The following FAM78A variants were observed in gnomAD, a reference collection of about 807,000 sequenced individuals.
FAM78A encodes family with sequence similarity 78 member A, also known as protein FAM78A.
In FAM78A, 12 loss-of-function variants were observed where a neutral mutation model predicts 22.6. The observed-to-expected ratio is 0.53, with a 90% CI of 0.34 to 0.86. The LOEUF (loss-of-function observed/expected upper bound fraction) is 0.86, where lower values mean the gene tolerates loss of function less well. Ranked by LOEUF, FAM78A falls within the 40% of genes least tolerant of loss-of-function variation. FAM78A has a pLI of 0.02. For missense variants in FAM78A, 322 were observed against 396.1 expected, an observed-to-expected ratio of 0.81 and a Z score of 1.59; for synonymous variants, 151 against 155.8, an observed-to-expected ratio of 0.97 and a Z score of 0.23.
At chr9:131,270,470 A>T (rs750259679) in intron 1 of FAM78A, 2 of 716,900 alleles carry the variant, frequency 2.8e-6, no homozygotes, top group African/African-American at 3.5e-5. Context: ...TTGGTCTCCA[A>T]TGTTTGTTTC....
upstream of FAM78A, among the ~76,000 whole-genome samples, chr9:131,277,685 G>A (rs1187489049): frequency 1.3e-5 from 2 of 151,376 alleles, no homozygotes; most frequent in East Asian, 2.0e-4. This position sits in a 1 kb window ranked among gnomAD's most constrained non-coding sequence, Gnocchi z 8.4. Flanking sequence ...TGGGGCCGGC[G>A]TGGGCGCCCC....
intron 1 of FAM78A, among the ~76,000 whole-genome samples, chr9:131,268,353 C>T (rs1339524667): frequency 6.6e-6 from 1 of 152,080 alleles, no homozygotes; most frequent in African/African-American, 2.4e-5. Flanking sequence ...CTGTCCCCAC[C>T]ACCACCGGGT....
Position 131,274,295 on chromosome 9 carries a change from G to A in FAM78A, c.323+1562C>T, listed in dbSNP as rs950897882. ...CTTACCCCTTCCAGGGAAGAAACTA[G>A]GCTTAGCCCAAAACCCCGAGGAAAA... On this transcript the variant is annotated intron_variant, in intron 1 of 1. Coordinates refer to ENST00000372271, the MANE Select transcript of FAM78A (RefSeq NM_033387.4). The surrounding 1 kb of genome is among the most constrained non-coding windows in gnomAD (Gnocchi z 4.2). Among the ~76,000 whole-genome samples the A allele has an allele frequency of 2.0e-5, 3 of 152,234 alleles. No individual in the cohort carries two copies.
rs1291217432 is a variant in FAM78A, at chr9:131,265,257, C to G, written c.324-3907G>C. Among the ~76,000 whole-genome samples the G allele has an allele frequency of 6.6e-6, 1 of 152,070 alleles. No homozygotes were observed. Among genetic ancestry groups the G allele is most frequent in the Non-Finnish European group, 1.5e-5 (1 of 68,010 alleles). On this transcript the variant is annotated intron_variant, in intron 1 of 1. Coordinates refer to ENST00000372271, the MANE Select transcript of FAM78A (RefSeq NM_033387.4). This position sits in a 1 kb window ranked among gnomAD's most constrained non-coding sequence, Gnocchi z 4.3. ...TAAAGTTAAGCAATATCTTAACCAC[C>G]TTTCTCCTTTTTTTTGAGACAGAGT... is the stretch of plus-strand genomic sequence containing the variant.
chr9:131,267,609 C>T (rs892135224), intron 1 of FAM78A, among the ~76,000 whole-genome samples: 1 of 152,136 alleles, frequency 6.6e-6, no homozygotes, highest in Non-Finnish European at 1.5e-5. Flanking sequence ...TACAGATATA[C>T]AGATATATGT....
rs1835461729 is a variant in FAM78A at position 131,274,766 on chromosome 9, C to A, written c.323+1091G>T. ...TGGGGAAATTCTCCTCTTTTCCCCA[C>A]TTGCAAAACGGGGACGTGAAGCTGC... On this transcript the variant is annotated intron_variant, in intron 1 of 1. Transcript: ENST00000372271. The surrounding 1 kb of genome is among the most constrained non-coding windows in gnomAD (Gnocchi z 4.2). 6.6e-6 allele frequency among the ~76,000 whole-genome samples: 1 copy of A among 152,176 alleles called. No individual in the cohort carries two copies. The highest frequency in any genetic ancestry group is 1.5e-5 in the Non-Finnish European group (1 of 68,038).
intron 1 of FAM78A, among the ~76,000 whole-genome samples, chr9:131,269,840 T>A (rs2131184599): frequency 6.6e-6 from 1 of 152,152 alleles, no homozygotes; most frequent in East Asian, 1.9e-4. Context: ...GTTCAGTAGA[T>A]TATTTTTTTG....
rs901138391 is a variant in FAM78A, at chr9:131,258,138, A to G, written c.*2684T>C. 5 of 151,982 alleles carry G rather than the reference A, an allele frequency of 3.3e-5. No homozygotes were observed. The highest frequency in any genetic ancestry group is 1.2e-4 in the African/African-American group (5 of 41,256). 9.4% of individuals were successfully genotyped at this position (151,982 alleles called of 1,614,324 possible). The stretch of plus-strand genomic sequence containing the variant: ...ATTTGCTTTTTGTTTTTTGTAAAAA[A>G]AAAAAGGTTCATTGTACATCTTCTT... On this transcript the variant is annotated 3_prime_UTR_variant, in exon 2 of 2. Transcript: ENST00000372271.
At position 131,261,181 on chromosome 9, in the gene FAM78A, T is replaced by C. The variant is rs767363009; in HGVS notation, c.493A>G (p.Ser165Gly). The part of the protein sequence containing the change: ...IISMNDNFYP[S>G]VTWAVPVSES... Reference sequence around the variant, plus strand: ...CTGACGGGCACGGCCCATGTGACGCTGGGGTAAAAGTTGTCATTCATGCTG... The same window carrying C: ...CTGACGGGCACGGCCCATGTGACGCCGGGGTAAAAGTTGTCATTCATGCTG... Residue 165 changes from serine to glycine, a missense_variant, in exon 2 of 2, where the codon AGC becomes GGC. Coordinates refer to ENST00000372271, the MANE Select transcript of FAM78A (RefSeq NM_033387.4). This position sits in a 1 kb window ranked among gnomAD's most constrained non-coding sequence, Gnocchi z 7.1. 2.5e-6 allele frequency: 4 copies of C among 1,613,980 alleles called. No homozygotes were observed. Among genetic ancestry groups the C allele is most frequent in the South Asian group, 1.1e-5 (1 of 91,084 alleles).
chr9:131,270,032 T>TAAAATAA (rs1835397101), intron 1 of FAM78A, among the ~76,000 whole-genome samples: 2 of 34,098 alleles, frequency 5.9e-5, no homozygotes, highest in Non-Finnish European at 1.3e-4. Flanking sequence ...CCATCCCTAC[T>TAAAATAA]AAAATAAAAA....
chr9:131,276,855 C>T (rs1835493521), upstream of FAM78A, among the ~76,000 whole-genome samples: 2 of 149,364 alleles, frequency 1.3e-5, no homozygotes, highest in African/African-American at 4.9e-5. This position sits in a 1 kb window ranked among gnomAD's most constrained non-coding sequence, Gnocchi z 4.3. Context: ...GCGCCGCGTC[C>T]CTTCGCCGCT....
rs945629000 is a variant in FAM78A at position 131,274,324 on chromosome 9, T to C, written c.323+1533A>G. Among the ~76,000 whole-genome samples the C allele has an allele frequency of 6.6e-6, 1 of 152,176 alleles. No individual in the cohort carries two copies. The highest frequency in any genetic ancestry group is 1.5e-5 in the Non-Finnish European group (1 of 68,044). On this transcript the variant is annotated intron_variant, in intron 1 of 1. Transcript: ENST00000372271. The surrounding 1 kb of genome is among the most constrained non-coding windows in gnomAD (Gnocchi z 4.2). ...TAGCCCAAAACCCCGAGGAAAACTTTTGTTTCTACAACTGTCCCGATGCCT... is the reference window on the plus strand; with the variant it reads ...TAGCCCAAAACCCCGAGGAAAACTTCTGTTTCTACAACTGTCCCGATGCCT...
chr9:131,276,917 G>C (rs1018577015), upstream of FAM78A, among the ~76,000 whole-genome samples: 1 of 149,122 alleles, frequency 6.7e-6, no homozygotes, highest in African/African-American at 2.4e-5. The surrounding 1 kb of genome is among the most constrained non-coding windows in gnomAD (Gnocchi z 4.3). Flanking sequence ...GGCCGCCGCC[G>C]CCTGCTTCGC....
At position 131,261,714 on chromosome 9, in the gene FAM78A, C is replaced by T. The variant is rs1835272866; in HGVS notation, c.324-364G>A. Among the ~76,000 whole-genome samples the T allele has an allele frequency of 6.6e-6, 1 of 152,160 alleles. No individual in the cohort carries two copies. The highest frequency in any genetic ancestry group is 1.5e-5 in the Non-Finnish European group (1 of 68,022). The stretch of plus-strand genomic sequence containing the variant: ...AGGCTCACAGACAATCTTCTCCATG[C>T]AACCCCACCCGGCAGATACAGAAAG... On this transcript the variant is annotated intron_variant, in intron 1 of 1. Coordinates refer to ENST00000372271, the MANE Select transcript of FAM78A (RefSeq NM_033387.4). This position sits in a 1 kb window ranked among gnomAD's most constrained non-coding sequence, Gnocchi z 7.1.
Position 131,269,288 on chromosome 9 carries a change from A to G in FAM78A, c.323+6569T>C, listed in dbSNP as rs576956261. Among the ~76,000 whole-genome samples, 281 of 152,280 alleles carry G rather than the reference A, an allele frequency of 1.8e-3. 2 individuals are homozygous for G. Among genetic ancestry groups the G allele is most frequent in the African/African-American group, 6.5e-3 (270 of 41,568 alleles). The stretch of plus-strand genomic sequence containing the variant: ...TAACAAAAATGGGTTACTACCCTAC[A>G]TATTGTTTGATAACTTTAAACAAAA... On this transcript the variant is annotated intron_variant, in intron 1 of 1. Coordinates refer to ENST00000372271, the MANE Select transcript of FAM78A (RefSeq NM_033387.4).
chr9:131,270,032 T>TTAAAAAA (rs1835396769), intron 1 of FAM78A, among the ~76,000 whole-genome samples: 11 of 34,126 alleles, frequency 3.2e-4, no homozygotes, highest in African/African-American at 1.0e-3. Context: ...CCATCCCTAC[T>TTAAAAAA]AAAATAAAAA....
In FAM78A at chr9:131,276,043, G is replaced by C; in HGVS notation, c.137C>G (p.Ser46Cys). Reference sequence around the variant, plus strand: ...GATGCTAGTGGGGACGGGGTCGATGGAGGCTTTCACATCAATCACCGTGAT... The same window carrying C: ...GATGCTAGTGGGGACGGGGTCGATGCAGGCTTTCACATCAATCACCGTGAT... ...EGITVIDVKASIDPVPTSIDE... is the reference protein window; with the variant it reads ...EGITVIDVKACIDPVPTSIDE... The change falls in exon 1 of 2, where the codon TCC (serine) becomes TGC (cysteine). Residue 46 changes from serine (S) to cysteine (C), a missense_variant. Transcript: ENST00000372271. The surrounding 1 kb of genome is among the most constrained non-coding windows in gnomAD (Gnocchi z 4.3). The C allele has an allele frequency of 6.2e-7, 1 of 1,613,824 alleles. No homozygotes were observed. The highest frequency in any genetic ancestry group is 1.3e-5 in the African/African-American group (1 of 75,052).
chr9:131,259,914 C>G lies in FAM78A; in HGVS notation c.*908G>C, dbSNP rs1835239884. ...TGAAAATTCCCTGGGCTCACAGGAG[C>G]CTGCCTCTCTCCTCCTAGAGCCGCC... On this transcript the variant is annotated 3_prime_UTR_variant, in exon 2 of 2. Transcript: ENST00000372271. 6.5e-6 allele frequency: 1 copy of G among 152,806 alleles called. No homozygotes were observed. Among genetic ancestry groups the G allele is most frequent in the East Asian group, 1.9e-4 (1 of 5,182 alleles). The allele number at this position is 152,806 out of a possible 1,614,324, so 9.5% of individuals were successfully genotyped here.
At chr9:131,277,691 G>A (rs1272165246), upstream of FAM78A, among the ~76,000 whole-genome samples, 2 of 151,230 alleles carry the variant, frequency 1.3e-5, no homozygotes, top group Admixed American at 6.6e-5. This position sits in a 1 kb window ranked among gnomAD's most constrained non-coding sequence, Gnocchi z 8.4. Flanking sequence ...CGGCGTGGGC[G>A]CCCCCGGCCC....
Sources: gnomAD v4.1 joint callset for allele counts (sites outside exome capture counted in the v4.1 genomes callset) on GRCh38, gnomAD v4.1.1 for gene constraint, Gnocchi (gnomAD v3.1) non-coding constraint, MANE v1.5 for transcripts, NCBI Gene and HGNC (gene_info 2026-07-23, HGNC 2026-07-21) for gene names.